The following SETD2 variants were observed in gnomAD, a reference collection of about 807,000 sequenced individuals.
The protein encoded by SETD2 is SET domain containing 2, histone lysine methyltransferase.
Under a neutral mutation model 242.1 loss-of-function variants are expected in SETD2, and 31 were observed. The observed-to-expected ratio is 0.13, with a 90% CI of 0.10 to 0.17. The LOEUF (loss-of-function observed/expected upper bound fraction) is 0.17. Among genes scored for constraint, SETD2 ranks in the 10% least tolerant of loss-of-function variants. The probability of loss-of-function intolerance (pLI) is 1.00; values close to 1 mark genes in which losing one functional copy is unlikely to be tolerated. For missense variants in SETD2, 2,481 were observed against 3,046.3 expected, an observed-to-expected ratio of 0.81 and a Z score of 4.37; for synonymous variants, 1,006 against 1,066.5, an observed-to-expected ratio of 0.94 and a Z score of 1.11.
rs1184327932 is a variant in SETD2, at chr3:47,107,720, CGGG to C, written c.4716-1603_4716-1601del. ...GAAAAAGAAAAGTCACTTTGGGTGG[CGGG>C]GGGGGGTGGGGGGGGGGTGGCAGGA... is the stretch of plus-strand genomic sequence containing the variant. On this transcript the variant is annotated intron_variant, in intron 5 of 20. Coordinates refer to ENST00000409792, the MANE Select transcript of SETD2 (RefSeq NM_014159.7). Among the ~76,000 whole-genome samples the C allele has an allele frequency of 1.9e-4, 25 of 129,860 alleles. 1 individual carries two copies. The South Asian group carries it at 3.8e-3, about 20-fold the overall frequency. The allele number at this position is 129,860 out of a possible 152,430, so 85.2% of individuals were successfully genotyped here.
At chr3:47,054,819 G>T (rs1280629711) in intron 15 of SETD2, among the ~76,000 whole-genome samples, 1 of 152,040 alleles carries the variant, frequency 6.6e-6, no homozygotes, top group African/African-American at 2.4e-5. Flanking sequence ...TAAAATGGAT[G>T]ACTATATAAG....
chr3:47,074,239 T>C (rs2040953485), intron 12 of SETD2, among the ~76,000 whole-genome samples: 1 of 152,174 alleles, frequency 6.6e-6, no homozygotes. Flanking sequence ...AAATAAAATA[T>C]ATGCATAATA....
chr3:47,084,424 G>C (rs1477950229), intron 11 of SETD2, 42 bp from the exon 12 acceptor site: 1 of 1,242,728 alleles, frequency 8.0e-7, no homozygotes, highest in Non-Finnish European at 1.1e-6. Context: ...TTGTACAGTT[G>C]ACTTTTTTTT....
intron 1 of SETD2, among the ~76,000 whole-genome samples, chr3:47,130,098 A>C (rs759436905): frequency 8.5e-5 from 13 of 152,186 alleles, no homozygotes; most frequent in African/African-American, 1.2e-4. Context: ...TTTTTGTTGA[A>C]GGGATTAAGC....
intron 12 of SETD2, among the ~76,000 whole-genome samples, chr3:47,069,050 C>A (rs1040216343): frequency 6.6e-6 from 1 of 152,160 alleles, no homozygotes; most frequent in African/African-American, 2.4e-5. Context: ...ACCTTGGCCT[C>A]CCAAAGTTCT....
intron 3 of SETD2, 53 bp from the exon 4 acceptor site, chr3:47,116,807 A>G (rs889637276): frequency 9.7e-5 from 122 of 1,263,468 alleles, no homozygotes; most frequent in Non-Finnish European, 1.2e-4. Flanking sequence ...TGGTAAAGAT[A>G]TAACATATAT....
At chr3:47,067,007 C>T (rs2107599843) in intron 13 of SETD2, 63 bp downstream of exon 13, 3 of 1,238,212 alleles carry the variant, frequency 2.4e-6, no homozygotes, top group South Asian at 2.4e-5. Flanking sequence ...TTATCAGTTA[C>T]CTCTGCACAT....
intron 1 of SETD2, among the ~76,000 whole-genome samples, chr3:47,128,246 A>G (rs531841619): frequency 2.0e-5 from 3 of 152,212 alleles, no homozygotes; most frequent in Admixed American, 6.5e-5. Context: ...CATCTGCTCC[A>G]TAACACAATG....
At chr3:47,086,142 G>A (rs2041546795) in intron 11 of SETD2, 53 bp downstream of exon 11, 14 of 1,594,316 alleles carry the variant, frequency 8.8e-6, no homozygotes, top group Admixed American at 5.0e-5. Flanking sequence ...ATCCACAACC[G>A]AGGCAATCAA....
intron 18 of SETD2, among the ~76,000 whole-genome samples, chr3:47,036,628 C>T (rs377347635): frequency 6.6e-6 from 1 of 151,764 alleles, no homozygotes; most frequent in African/African-American, 2.4e-5. Context: ...AGAGGCCGGG[C>T]GTGGTGGCTC....
rs1355793395 is a variant in SETD2 at position 47,087,984 on chromosome 3, CAAACA to C, written c.5277+124_5277+128del. 1.3e-5 allele frequency: 13 copies of C among 1,015,722 alleles called. No homozygotes were observed. In the Admixed American group the frequency reaches 2.1e-4, roughly 16 times the overall value. 62.9% of individuals were successfully genotyped at this position (1,015,722 alleles called of 1,614,324 possible). A position where few individuals can be genotyped will look rare whatever the true frequency, so the allele number is the denominator to read the frequency against. ...CCATCTAAACAAACAAACAAACAAA[CAAACA>C]AACAAATAAATAAATAAATAAAATA... On this transcript the variant is annotated intron_variant, in intron 10 of 20. Transcript: ENST00000409792.
At chr3:47,078,963 C>G (rs2041215543) in intron 12 of SETD2, among the ~76,000 whole-genome samples, 1 of 152,008 alleles carries the variant, frequency 6.6e-6, no homozygotes. Flanking sequence ...CTCCTGGGCT[C>G]AAATGATCTG....
At chr3:47,144,670 C>A (rs2043812145) in intron 1 of SETD2, among the ~76,000 whole-genome samples, 1 of 148,080 alleles carries the variant, frequency 6.8e-6, no homozygotes, top group Admixed American at 6.8e-5. Context: ...ATAAGTAAGT[C>A]CAGAAAAAGA....
At chr3:47,034,272 A>AC (rs1435497103) in intron 18 of SETD2, among the ~76,000 whole-genome samples, 2 of 151,702 alleles carry the variant, frequency 1.3e-5, no homozygotes, top group Non-Finnish European at 2.9e-5. Context: ...CTACTCTATA[A>AC]CCCCCCGAGG....
intron 10 of SETD2, 81 bp from the exon 11 acceptor site, chr3:47,086,395 T>C (rs2041559555): frequency 2.1e-6 from 3 of 1,418,924 alleles, no homozygotes; most frequent in African/African-American, 2.8e-5. Flanking sequence ...GGAGAGTTCA[T>C]GTATACGTTA....
At chr3:47,049,311 AT>A (rs2107555873) in intron 15 of SETD2, among the ~76,000 whole-genome samples, 1 of 5,736 alleles carries the variant, frequency 1.7e-4, no homozygotes, top group South Asian at 2.6e-3. Flanking sequence ...CTAAATATAT[AT>A]ATATATATAT....
rs2107488078 is a variant in SETD2, at chr3:47,017,697, G to A, written c.7474C>T (p.Pro2492Ser). ...IVQCLNPYRK[P>S]DCKVGRITTT... ...GTAATTCTTCCCACTTTGCAGTCAG[G>A]TTTCCGGTAAGGGTTCAGGCACTGG... Residue 2492 changes from proline (P) to serine (S), a missense_variant, in exon 20 of 21, where the codon CCT becomes TCT. By Grantham distance (74) the Pro-to-Ser change is moderately conservative. Around this residue, in one of 17 missense-constraint regions of SETD2, gnomAD observed 40 missense variants for 89.5 expected, o/e 0.45. Transcript: ENST00000409792. This position sits in a 1 kb window ranked among gnomAD's most constrained non-coding sequence, Gnocchi z 4.8. 1 of 1,614,008 alleles carries A rather than the reference G, an allele frequency of 6.2e-7. No homozygotes were observed. The highest frequency in any genetic ancestry group is 8.5e-7 in the Non-Finnish European group (1 of 1,179,916).
chr3:47,163,617 A>ACCG, intron 1 of SETD2: 2 of 218,202 alleles, frequency 9.2e-6, no homozygotes, highest in Non-Finnish European at 1.8e-5. Context: ...GCCCGGCCCA[A>ACCG]CCGCCGCCGC....
rs60186354 is a variant in SETD2, at chr3:47,036,905, T to TAAAAAAAAAAA, written c.7350+760_7350+761insTTTTTTTTTTT. ...CAACAGAGTGAGACTCCGTCTCATT[T>TAAAAAAAAAAA]AAAAAAAAAAGGCAAAGAGAACAAG... On this transcript the variant is annotated intron_variant, in intron 18 of 20. Transcript: ENST00000409792. 1.4e-4 allele frequency among the ~76,000 whole-genome samples: 16 copies of TAAAAAAAAAAA among 117,876 alleles called. 1 individual carries two copies. The highest frequency in any genetic ancestry group is 7.8e-4 in the East Asian group (3 of 3,846). The allele number at this position is 117,876 out of a possible 152,430, so 77.3% of individuals were successfully genotyped here.
Sources: gnomAD v4.1 joint callset for allele counts (sites outside exome capture counted in the v4.1 genomes callset) on GRCh38, gnomAD v4.1.1 for gene constraint, gnomAD v4.1.1 regional missense constraint, Gnocchi (gnomAD v3.1) non-coding constraint, MANE v1.5 for transcripts, NCBI Gene and HGNC (gene_info 2026-07-23, HGNC 2026-07-21) for gene names.